The following ST8SIA3 variants were observed in gnomAD, a reference collection of about 807,000 sequenced individuals.
The protein encoded by ST8SIA3 is alpha-N-acetylneuraminate alpha-2,8-sialyltransferase ST8SIA3.
In ST8SIA3, 17 loss-of-function variants were observed where a neutral mutation model predicts 34.5. That is an observed-to-expected ratio of 0.49 (90% CI 0.34 to 0.74). ST8SIA3 has a LOEUF of 0.74. Among genes scored for constraint, ST8SIA3 ranks in the 30% least tolerant of loss-of-function variants. The pLI is 0.01. For synonymous variants in ST8SIA3, 172 were observed against 176.1 expected, an observed-to-expected ratio of 0.98 and a Z score of 0.19; for missense variants, 354 against 467.8, an observed-to-expected ratio of 0.76 and a Z score of 2.24.
chr18:57,354,857 T>TAAA (rs35104343), intron 2 of ST8SIA3, among the ~76,000 whole-genome samples: 20 of 145,602 alleles, frequency 1.4e-4, no homozygotes, highest in African/African-American at 4.8e-4. Flanking sequence ...GCCATCTATT[T>TAAA]AAAAAAAAAA....
chr18:57,355,538 A>G lies in ST8SIA3; in HGVS notation c.302+1014A>G, dbSNP rs545598771. On this transcript the variant is annotated intron_variant, in intron 2 of 3. Transcript: ENST00000324000. Reference sequence around the variant, plus strand: ...TACAGTCATATGATTAACATTTTAAAAACACTTATGTTTAATTATAAATTA... The same window carrying G: ...TACAGTCATATGATTAACATTTTAAGAACACTTATGTTTAATTATAAATTA... Among the ~76,000 whole-genome samples the G allele has an allele frequency of 2.6e-4, 40 of 152,308 alleles. 1 individual carries two copies. The South Asian group carries it at 4.8e-3, about 18-fold the overall frequency.
At chr18:57,356,819 A>G in intron 2 of ST8SIA3, 94 bp from the exon 3 acceptor site, 1 of 828,994 alleles carries the variant, frequency 1.2e-6, no homozygotes, top group Non-Finnish European at 1.9e-6. Flanking sequence ...AATGAGCCTA[A>G]GATTCCCTCT....
rs763794374 is a variant in ST8SIA3, at chr18:57,352,587, T to A, written c.-260T>A. On this transcript the variant is annotated 5_prime_UTR_variant, in exon 1 of 4. Coordinates refer to ENST00000324000, the MANE Select transcript of ST8SIA3 (RefSeq NM_015879.3). ...GCCACGCCGCCGCGCAGCCCCTCCA[T>A]CTTCCTGCTCGGCACCGGGCCCCGC... The A allele has an allele frequency of 8.4e-4, 402 of 476,298 alleles. 2 individuals are homozygous for A. Among genetic ancestry groups the A allele is most frequent in the Admixed American group, 1.4e-3 (46 of 32,692 alleles). 29.5% of individuals were successfully genotyped at this position (476,298 alleles called of 1,614,324 possible).
In ST8SIA3 at chr18:57,367,579, T is replaced by C. The variant is rs1189386989; in HGVS notation, c.*7302T>C. On this transcript the variant is annotated 3_prime_UTR_variant, in exon 4 of 4. Transcript: ENST00000324000. The stretch of plus-strand genomic sequence containing the variant: ...GAACCAGCCACTCCCATAGCATTTT[T>C]AGTCTTAGGGAAGAAAATTGGCAGG... The C allele has an allele frequency of 2.6e-5, 4 of 152,616 alleles. No individual in the cohort carries two copies. The East Asian group carries it at 7.7e-4, about 29-fold the overall frequency. The allele number at this position is 152,616 out of a possible 1,614,324, so 9.5% of individuals were successfully genotyped here.
In ST8SIA3 at chr18:57,355,581, A is replaced by G. The variant is rs544325700; in HGVS notation, c.302+1057A>G. On this transcript the variant is annotated intron_variant, in intron 2 of 3. Transcript: ENST00000324000. ...ATAAATTAGTTCATGAAAATTGATCAATTCTAAAACTCTAGAAGTGTTTTT... is the reference window on the plus strand; with the variant it reads ...ATAAATTAGTTCATGAAAATTGATCGATTCTAAAACTCTAGAAGTGTTTTT... Among the ~76,000 whole-genome samples, 25 of 152,334 alleles carry G rather than the reference A, an allele frequency of 1.6e-4. No homozygotes were observed. In the South Asian group the frequency reaches 5.2e-3, roughly 32 times the overall value.
Position 57,360,472 on chromosome 18 carries a change from T to C in ST8SIA3, c.*195T>C, listed in dbSNP as rs977451836. 3 of 585,974 alleles carry C rather than the reference T, an allele frequency of 5.1e-6. No individual in the cohort carries two copies. The highest frequency in any genetic ancestry group is 6.2e-5 in the Admixed American group (2 of 32,346). 36.3% of individuals were successfully genotyped at this position (585,974 alleles called of 1,614,324 possible). ...GCAGGACAGATGCATTGAAGCCACA[T>C]GGTTTAGACTTGATTGATAAAGGGA... On this transcript the variant is annotated 3_prime_UTR_variant, in exon 4 of 4. Coordinates refer to ENST00000324000, the MANE Select transcript of ST8SIA3 (RefSeq NM_015879.3).
chr18:57,356,320 A>G (rs1442543680), intron 2 of ST8SIA3, among the ~76,000 whole-genome samples: 1 of 152,222 alleles, frequency 6.6e-6, no homozygotes. Context: ...CTGTTTCATT[A>G]TTCAAAGGAC....
At position 57,367,130 on chromosome 18, in the gene ST8SIA3, A is replaced by G. The variant is rs1489990441; in HGVS notation, c.*6853A>G. On this transcript the variant is annotated 3_prime_UTR_variant, in exon 4 of 4. Transcript: ENST00000324000. ...ACACAGTGAGTGGCCGTAAGTTGTTATCTGCATGTACTAAATCAAAATTAG... is the reference window on the plus strand; with the variant it reads ...ACACAGTGAGTGGCCGTAAGTTGTTGTCTGCATGTACTAAATCAAAATTAG... 6.6e-6 allele frequency: 1 copy of G among 152,252 alleles called. No individual in the cohort carries two copies. The highest frequency in any genetic ancestry group is 1.9e-4 in the East Asian group (1 of 5,204). The allele number at this position is 152,252 out of a possible 1,614,324, so 9.4% of individuals were successfully genotyped here.
intron 2 of ST8SIA3, among the ~76,000 whole-genome samples, chr18:57,355,390 A>G (rs1164127268): frequency 6.6e-6 from 1 of 152,150 alleles, no homozygotes; most frequent in Admixed American, 6.5e-5. Context: ...TTGTGTTTTG[A>G]TCTTAGCATT....
rs1389144878 is a variant in ST8SIA3 at position 57,367,136 on chromosome 18, A to G, written c.*6859A>G. 1 of 152,264 alleles carries G rather than the reference A, an allele frequency of 6.6e-6. No individual in the cohort carries two copies. The highest frequency in any genetic ancestry group is 2.1e-4 in the South Asian group (1 of 4,834). 9.4% of individuals were successfully genotyped at this position (152,264 alleles called of 1,614,324 possible). ...TGAGTGGCCGTAAGTTGTTATCTGC[A>G]TGTACTAAATCAAAATTAGATCATG... On this transcript the variant is annotated 3_prime_UTR_variant, in exon 4 of 4. Coordinates refer to ENST00000324000, the MANE Select transcript of ST8SIA3 (RefSeq NM_015879.3).
In ST8SIA3 at chr18:57,352,732, TCACACA is replaced by T. The variant is rs59006823; in HGVS notation, c.-82_-77del. On this transcript the variant is annotated 5_prime_UTR_variant, in exon 1 of 4. Coordinates refer to ENST00000324000, the MANE Select transcript of ST8SIA3 (RefSeq NM_015879.3). ...CCTCCTCCGCCACACGCGCGCGCGC[TCACACA>T]CACACACACACACACACACACACAC... The T allele has an allele frequency of 0.057, 22,049 of 389,670 alleles. 930 individuals carry two copies. The highest frequency in any genetic ancestry group is 0.33 in the East Asian group (4,761 of 14,498). The allele number at this position is 389,670 out of a possible 1,614,324, so 24.1% of individuals were successfully genotyped here.
rs1031002619 is a variant in ST8SIA3 at position 57,364,571 on chromosome 18, C to A, written c.*4294C>A. On this transcript the variant is annotated 3_prime_UTR_variant, in exon 4 of 4. Coordinates refer to ENST00000324000, the MANE Select transcript of ST8SIA3 (RefSeq NM_015879.3). ...GTTTCTGTTTAAGCCTCTGCTTCTC[C>A]CTGAATGTGTAGAACTGTCACTTTG... 7 of 152,182 alleles carry A rather than the reference C, an allele frequency of 4.6e-5. No individual in the cohort carries two copies. Among genetic ancestry groups the A allele is most frequent in the African/African-American group, 1.7e-4 (7 of 41,436 alleles). The allele number at this position is 152,182 out of a possible 1,614,324, so 9.4% of individuals were successfully genotyped here.
In ST8SIA3 at chr18:57,352,656, C is replaced by T. The variant is rs926040273; in HGVS notation, c.-191C>T. ...TCCCGCTGCTCTCCGGGGCTCCTGCCAGCCCCAACCCCCGGCCCCGGTGGC... is the reference window on the plus strand; with the variant it reads ...TCCCGCTGCTCTCCGGGGCTCCTGCTAGCCCCAACCCCCGGCCCCGGTGGC... On this transcript the variant is annotated 5_prime_UTR_variant, in exon 1 of 4. Coordinates refer to ENST00000324000, the MANE Select transcript of ST8SIA3 (RefSeq NM_015879.3). The T allele has an allele frequency of 4.5e-5, 24 of 534,080 alleles. No individual in the cohort carries two copies. Among genetic ancestry groups the T allele is most frequent in the Non-Finnish European group, 7.5e-5 (22 of 294,924 alleles). The allele number at this position is 534,080 out of a possible 1,614,324, so 33.1% of individuals were successfully genotyped here.
chr18:57,358,498 T>C (rs1416683705), intron 3 of ST8SIA3, among the ~76,000 whole-genome samples: 3 of 152,096 alleles, frequency 2.0e-5, no homozygotes, highest in African/African-American at 7.2e-5. Flanking sequence ...TGACCTCTCA[T>C]AGGAGGAGGA....
rs763100162 is a variant in ST8SIA3 at position 57,359,990 on chromosome 18, C to T, written c.861-5C>T. Reference sequence around the variant, plus strand: ...CTGAATCCAAATGTACTTATTGTTCCACAGGTACTGGAAAAACAAACATTT... The same window carrying T: ...CTGAATCCAAATGTACTTATTGTTCTACAGGTACTGGAAAAACAAACATTT... On this transcript the variant is annotated splice_region_variant and splice_polypyrimidine_tract_variant and intron_variant, in intron 3 of 3. Coordinates refer to ENST00000324000, the MANE Select transcript of ST8SIA3 (RefSeq NM_015879.3). 6.2e-7 allele frequency: 1 copy of T among 1,609,606 alleles called. No homozygotes were observed. Among genetic ancestry groups the T allele is most frequent in the Non-Finnish European group, 8.5e-7 (1 of 1,176,330 alleles).
chr18:57,358,533 T>C lies in ST8SIA3; in HGVS notation c.860+1063T>C, dbSNP rs9959274. ...AATTACAGCCTAATAAACTGGTTTG[T>C]ATCTCAATGGTAGAGGGTAGAGTGA... On this transcript the variant is annotated intron_variant, in intron 3 of 3. Transcript: ENST00000324000. 6.3e-3 allele frequency among the ~76,000 whole-genome samples: 875 copies of C among 139,842 alleles called. 9 individuals are homozygous for C. Among genetic ancestry groups the C allele is most frequent in the African/African-American group, 0.024 (840 of 35,026 alleles). The allele number at this position is 139,842 out of a possible 152,430, so 91.7% of individuals were successfully genotyped here. A position where few individuals can be genotyped will look rare whatever the true frequency, so the allele number is the denominator to read the frequency against.
rs547921603 is a variant in ST8SIA3, at chr18:57,365,840, T to C, written c.*5563T>C. 6.6e-5 allele frequency: 10 copies of C among 152,334 alleles called. No individual in the cohort carries two copies. In the East Asian group the frequency reaches 9.7e-4, roughly 15 times the overall value. 9.4% of individuals were successfully genotyped at this position (152,334 alleles called of 1,614,324 possible). A position where few individuals can be genotyped will look rare whatever the true frequency, so the allele number is the denominator to read the frequency against. ...GAAGCTTTGGCCAGACTTCTTTCTA[T>C]AGCTGTGCACATAGAAAGGCTTTAG... On this transcript the variant is annotated 3_prime_UTR_variant, in exon 4 of 4. Coordinates refer to ENST00000324000, the MANE Select transcript of ST8SIA3 (RefSeq NM_015879.3).
Position 57,364,635 on chromosome 18 carries a change from A to G in ST8SIA3, c.*4358A>G, listed in dbSNP as rs2049850201. On this transcript the variant is annotated 3_prime_UTR_variant, in exon 4 of 4. Coordinates refer to ENST00000324000, the MANE Select transcript of ST8SIA3 (RefSeq NM_015879.3). ...TGTGTGTTTGTGGCTGGCAGCCCAGATAGAGCACTCTGGGTGCTGGGGATT... is the reference window on the plus strand; with the variant it reads ...TGTGTGTTTGTGGCTGGCAGCCCAGGTAGAGCACTCTGGGTGCTGGGGATT... 1 of 152,410 alleles carries G rather than the reference A, an allele frequency of 6.6e-6. No individual in the cohort carries two copies. Among genetic ancestry groups the G allele is most frequent in the African/African-American group, 2.4e-5 (1 of 41,456 alleles). The allele number at this position is 152,410 out of a possible 1,614,324, so 9.4% of individuals were successfully genotyped here. A position where few individuals can be genotyped will look rare whatever the true frequency, so the allele number is the denominator to read the frequency against.
chr18:57,365,767 C>T lies in ST8SIA3; in HGVS notation c.*5490C>T, dbSNP rs1238489536. On this transcript the variant is annotated 3_prime_UTR_variant, in exon 4 of 4. Transcript: ENST00000324000. ...GTATAACAAGGGTGATCAGTTATTA[C>T]TTGTGGCCTTGTACCACCTCTGTTG... 1.3e-5 allele frequency: 2 copies of T among 152,192 alleles called. No homozygotes were observed. The highest frequency in any genetic ancestry group is 2.9e-5 in the Non-Finnish European group (2 of 68,038). The allele number at this position is 152,192 out of a possible 1,614,324, so 9.4% of individuals were successfully genotyped here.
Sources: allele counts gnomAD v4.1 joint callset (sites outside exome capture counted in the v4.1 genomes callset), GRCh38; gene constraint gnomAD v4.1.1; transcripts MANE v1.5; gene names NCBI Gene and HGNC (gene_info 2026-07-23, HGNC 2026-07-21).